The following AMD1 variants were observed in gnomAD, a reference collection of about 807,000 sequenced individuals.
The protein encoded by AMD1 is S-adenosylmethionine decarboxylase proenzyme.
AMD1 carries 11 observed loss-of-function variants against 40.2 expected under a neutral mutation model. That is an observed-to-expected ratio of 0.27 (90% CI 0.17 to 0.45). The LOEUF (loss-of-function observed/expected upper bound fraction) is 0.45. AMD1 is among the 20% of genes least tolerant of loss of function. The pLI is 1.00. For missense variants in AMD1, 257 were observed against 410.2 expected, an observed-to-expected ratio of 0.63 and a Z score of 3.23; for synonymous variants, 121 against 130.8, an observed-to-expected ratio of 0.93 and a Z score of 0.51.
the AMD1 span, among the ~76,000 whole-genome samples, chr6:110,835,541 C>T: frequency 6.6e-6 from 1 of 152,084 alleles, no homozygotes; most frequent in African/African-American, 2.4e-5. Flanking sequence ...CTGAGTCATG[C>T]AGATCTTCCA....
chr6:110,845,730 GT>G, the AMD1 span, among the ~76,000 whole-genome samples: 1 of 152,186 alleles, frequency 6.6e-6, no homozygotes, highest in South Asian at 2.1e-4. Context: ...TACTTTTCAG[GT>G]TTTGGGACTC....
upstream of AMD1, among the ~76,000 whole-genome samples, chr6:110,871,089 A>G (rs1171764590): frequency 2.0e-5 from 3 of 152,244 alleles, no homozygotes; most frequent in African/African-American, 7.2e-5. Context: ...GATGGAGTAC[A>G]GAAAGTGAAT....
chr6:110,860,210 CACGCCCCACCGAGT>C, the AMD1 span, among the ~76,000 whole-genome samples: 3 of 152,074 alleles, frequency 2.0e-5, no homozygotes, highest in Non-Finnish European at 4.4e-5. Flanking sequence ...CCCCTGGCCA[CACGCCCCACCGAGT>C]ACTGCACAGG....
the AMD1 span, chr6:110,859,003 GC>G: frequency 8.6e-7 from 1 of 1,168,788 alleles, no homozygotes; most frequent in Non-Finnish European, 1.3e-6. Context: ...AAGCAAAGCG[GC>G]CAGGTCTTTG....
the AMD1 span, among the ~76,000 whole-genome samples, chr6:110,829,685 A>AATT: frequency 6.6e-6 from 1 of 151,230 alleles, no homozygotes; most frequent in African/African-American, 2.4e-5. Flanking sequence ...TAATAATAAT[A>AATT]ATAATTAAAA....
chr6:110,826,453 C>T, the AMD1 span, among the ~76,000 whole-genome samples: 3 of 151,798 alleles, frequency 2.0e-5, no homozygotes, highest in East Asian at 1.9e-4. Context: ...CTTTAAACAA[C>T]AGGAACTGAT....
In AMD1 at chr6:110,894,240, G is replaced by GC. The variant is rs1786187359; in HGVS notation, c.*625dup. On this transcript the variant is annotated 3_prime_UTR_variant, in exon 9 of 9. Coordinates refer to ENST00000368885, the MANE Select transcript of AMD1 (RefSeq NM_001634.6). Reference sequence around the variant, plus strand: ...TGCTATTTTAACATTATTGGACCCTGCATTTATAGTCCTTTGATTTCTTCC... The same window carrying GC: ...TGCTATTTTAACATTATTGGACCCTGCCATTTATAGTCCTTTGATTTCTTCC... 6.5e-6 allele frequency: 1 copy of GC among 152,800 alleles called. No homozygotes were observed. The highest frequency in any genetic ancestry group is 6.5e-5 in the Admixed American group (1 of 15,292). 9.5% of individuals were successfully genotyped at this position (152,800 alleles called of 1,614,324 possible).
At chr6:110,819,200 A>G in the AMD1 span, among the ~76,000 whole-genome samples, 1 of 152,116 alleles carries the variant, frequency 6.6e-6, no homozygotes, top group African/African-American at 2.4e-5. Context: ...TCTACTACAA[A>G]TACAAAATGA....
At chr6:110,891,052 A>G (rs960901177) in intron 4 of AMD1, 2 of 152,188 alleles carry the variant, frequency 1.3e-5, no homozygotes, top group African/African-American at 2.4e-5. Flanking sequence ...GAGAGAGTTC[A>G]TCTTCATCTG....
At chr6:110,814,817 T>A in the AMD1 span, 1 of 741,482 alleles carries the variant, frequency 1.3e-6, no homozygotes, top group Non-Finnish European at 2.3e-6. Flanking sequence ...GAGTTCGAGG[T>A]ACGCGACGGG....
At chr6:110,834,319 A>G in the AMD1 span, among the ~76,000 whole-genome samples, 1 of 152,108 alleles carries the variant, frequency 6.6e-6, no homozygotes, top group Non-Finnish European at 1.5e-5. Flanking sequence ...AGCCTGAGTG[A>G]CAGAGTAAAA....
At chr6:110,866,146 C>A in the AMD1 span, among the ~76,000 whole-genome samples, 33,898 of 151,978 alleles carry the variant, frequency 0.22, 3,846 homozygotes, top group South Asian at 0.25. Flanking sequence ...AATTTTAGTT[C>A]ATTTATTGAT....
chr6:110,815,462 A>C, the AMD1 span: 2 of 214,684 alleles, frequency 9.3e-6, no homozygotes, highest in Non-Finnish European at 1.8e-5. Flanking sequence ...CTCATTAGCG[A>C]ACTCACTGGC....
chr6:110,835,420 A>G, the AMD1 span, among the ~76,000 whole-genome samples: 8 of 152,336 alleles, frequency 5.3e-5, no homozygotes, highest in African/African-American at 1.9e-4. Flanking sequence ...TGAAGTTTTT[A>G]TATTTAGTTA....
At chr6:110,815,109 C>T in the AMD1 span, 1 of 1,602,512 alleles carries the variant, frequency 6.2e-7, no homozygotes, top group Non-Finnish European at 8.5e-7. Flanking sequence ...CGCTCCGCCG[C>T]CAGCTTCGCC....
intron 1 of AMD1, among the ~76,000 whole-genome samples, chr6:110,877,113 T>A (rs1785155057): frequency 6.6e-6 from 1 of 152,240 alleles, no homozygotes; most frequent in Admixed American, 6.5e-5. Context: ...CCAGTGTGGC[T>A]TTTAAAATCA....
chr6:110,847,581 T>C, the AMD1 span, among the ~76,000 whole-genome samples: 1 of 152,106 alleles, frequency 6.6e-6, no homozygotes, highest in East Asian at 1.9e-4. Flanking sequence ...TCTTAGGCTA[T>C]TTAACTGATT....
chr6:110,887,985 C>CT (rs985210916), intron 2 of AMD1, among the ~76,000 whole-genome samples: 20 of 151,796 alleles, frequency 1.3e-4, no homozygotes, highest in Middle Eastern at 3.2e-3. Flanking sequence ...CGCGCCCAGC[C>CT]TTTTTTTTAC....
the AMD1 span, among the ~76,000 whole-genome samples, chr6:110,824,046 A>G: frequency 1.3e-5 from 2 of 152,220 alleles, no homozygotes; most frequent in Admixed American, 6.5e-5. Context: ...GTACCATTCA[A>G]TCCAACAATT....
Sources: gnomAD v4.1 joint callset for allele counts (sites outside exome capture counted in the v4.1 genomes callset) on GRCh38, gnomAD v4.1.1 for gene constraint, MANE v1.5 for transcripts, NCBI Gene and HGNC (gene_info 2026-07-23, HGNC 2026-07-21) for gene names.